The following MGAT5 variants were observed in gnomAD, a reference collection of about 807,000 sequenced individuals.
MGAT5 encodes alpha-1,6-mannosylglycoprotein 6-beta-N-acetylglucosaminyltransferase, also known as alpha-1,6-mannosylglycoprotein 6-beta-N-acetylglucosaminyltransferase A.
Under a neutral mutation model 94.3 loss-of-function variants are expected in MGAT5, and 30 were observed. The observed-to-expected ratio is 0.32, with a 90% CI of 0.24 to 0.43. The LOEUF is 0.43. Ranked by LOEUF, MGAT5 falls within the 20% of genes least tolerant of loss-of-function variation. The pLI is 1.00. For missense variants in MGAT5, 691 were observed against 905.5 expected (o/e 0.76, Z 3.04); for synonymous variants, 310 against 322.9 (o/e 0.96, Z 0.43).
intron 1 of MGAT5, among the ~76,000 whole-genome samples, chr2:134,169,959 C>CT (rs1369961176): frequency 6.6e-6 from 1 of 151,922 alleles, no homozygotes; most frequent in African/African-American, 2.4e-5. Flanking sequence ...ATATCATGAA[C>CT]TTTTTTTTGA....
intron 2 of MGAT5, among the ~76,000 whole-genome samples, chr2:134,294,906 A>C (rs1685580573): frequency 6.6e-6 from 1 of 152,164 alleles, no homozygotes; most frequent in African/African-American, 2.4e-5. Context: ...CTAGCCAATC[A>C]GGACAAATAC....
At chr2:134,418,791 G>A (rs1266947403) in intron 12 of MGAT5, among the ~76,000 whole-genome samples, 1 of 152,204 alleles carries the variant, frequency 6.6e-6, no homozygotes, top group Non-Finnish European at 1.5e-5. Flanking sequence ...ACAAGTCGGG[G>A]ATACCCCAAG....
chr2:134,171,247 A>G (rs1403872881), intron 1 of MGAT5, among the ~76,000 whole-genome samples: 1 of 152,146 alleles, frequency 6.6e-6, no homozygotes, highest in Non-Finnish European at 1.5e-5. Flanking sequence ...ATTTGAAAAA[A>G]CAGGCTTGTA....
chr2:134,384,894 G>C (rs115482298), intron 10 of MGAT5, among the ~76,000 whole-genome samples: 55 of 152,272 alleles, frequency 3.6e-4, no homozygotes, highest in African/African-American at 1.3e-3. Context: ...GGTCAAATTA[G>C]CATGCTGGGG....
chr2:134,286,544 G>A (rs1685014554), intron 2 of MGAT5, among the ~76,000 whole-genome samples: 1 of 151,834 alleles, frequency 6.6e-6, no homozygotes, highest in African/African-American at 2.4e-5. Flanking sequence ...CAGTTTTCCT[G>A]CCTCAGCCTC....
chr2:134,257,511 T>A (rs1683044980), intron 1 of MGAT5, among the ~76,000 whole-genome samples: 1 of 152,216 alleles, frequency 6.6e-6, no homozygotes, highest in Non-Finnish European at 1.5e-5. Context: ...TGTGAGCCGC[T>A]GTGCCTGGCC....
At chr2:134,192,485 C>A (rs191963449) in intron 1 of MGAT5, among the ~76,000 whole-genome samples, 1 of 152,156 alleles carries the variant, frequency 6.6e-6, no homozygotes, top group African/African-American at 2.4e-5. Context: ...CTATATCTTG[C>A]TAGTTTTGGG....
At chr2:134,381,536 C>CAGACAGATAGTTAGATAGATAGAT (rs59821586) in intron 10 of MGAT5, among the ~76,000 whole-genome samples, 1 of 146,844 alleles carries the variant, frequency 6.8e-6, no homozygotes, top group Non-Finnish European at 1.5e-5. Context: ...GACAGACAGA[C>CAGACAGATAGTTAGATAGATAGAT]AGATAGATAG....
chr2:134,300,324 G>A lies in MGAT5; in HGVS notation c.407-17205G>A, dbSNP rs375075701. 1.2e-4 allele frequency among the ~76,000 whole-genome samples: 19 copies of A among 152,278 alleles called. No homozygotes were observed. The East Asian group carries it at 1.7e-3, about 14-fold the overall frequency. Reference sequence around the variant, plus strand: ...TGGCATGTTGTAAATCTGAAGTCGGGTGATTTCTGTCGAAGCCTACAGACA... The same window carrying A: ...TGGCATGTTGTAAATCTGAAGTCGGATGATTTCTGTCGAAGCCTACAGACA... On this transcript the variant is annotated intron_variant, in intron 2 of 15. Coordinates refer to ENST00000281923, the MANE Select transcript of MGAT5 (RefSeq NM_002410.5).
At chr2:134,204,293 T>C (rs1376184656) in intron 1 of MGAT5, among the ~76,000 whole-genome samples, 2 of 152,176 alleles carry the variant, frequency 1.3e-5, no homozygotes, top group Non-Finnish European at 1.5e-5. Context: ...CTTACTGCTG[T>C]TGGATTTCTT....
intron 2 of MGAT5, among the ~76,000 whole-genome samples, chr2:134,312,811 G>C (rs1041581310): frequency 1.3e-5 from 2 of 152,058 alleles, no homozygotes; most frequent in Non-Finnish European, 2.9e-5. Context: ...GATTTTAAAG[G>C]CTTTCCTTTT....
At chr2:134,341,904 T>G in intron 7 of MGAT5, 145 bp downstream of exon 7, 1 of 666,634 alleles carries the variant, frequency 1.5e-6, no homozygotes, top group Middle Eastern at 4.2e-4. Context: ...AAGATTATTT[T>G]CAGGAGCTAA....
chr2:134,172,389 T>TA (rs1558969109), intron 1 of MGAT5, among the ~76,000 whole-genome samples: 7 of 147,046 alleles, frequency 4.8e-5, no homozygotes, highest in Non-Finnish European at 9.2e-5. Context: ...TTTTTTTTTT[T>TA]TAATTAATTA....
At chr2:134,346,839 C>T (rs1449183489) in intron 8 of MGAT5, among the ~76,000 whole-genome samples, 1 of 152,106 alleles carries the variant, frequency 6.6e-6, no homozygotes, top group East Asian at 1.9e-4. Flanking sequence ...GAAGGACATA[C>T]AAGAAAGTAA....
chr2:134,348,446 G>A (rs1219538566), intron 8 of MGAT5, among the ~76,000 whole-genome samples: 1 of 152,184 alleles, frequency 6.6e-6, no homozygotes, highest in Non-Finnish European at 1.5e-5. Context: ...TCCTGGCCTT[G>A]ACGAATGGTA....
chr2:134,265,410 A>G (rs906790211), intron 1 of MGAT5, among the ~76,000 whole-genome samples: 6 of 152,156 alleles, frequency 3.9e-5, no homozygotes, highest in Non-Finnish European at 4.4e-5. Flanking sequence ...GGCCCTTCCA[A>G]TCACTTCTTA....
chr2:134,422,849 A>G lies in MGAT5; in HGVS notation c.1724A>G (p.His575Arg), dbSNP rs139862656. The change falls in exon 13 of 16, where the codon CAT (histidine) becomes CGT (arginine). Residue 575 changes from histidine (H) to arginine (R), a missense_variant. This residue lies in a region of MGAT5 where 260 missense variants were observed against 347.0 expected (regional missense o/e 0.75). Coordinates refer to ENST00000281923, the MANE Select transcript of MGAT5 (RefSeq NM_002410.5). ...PYAEVFIGRP[H>R]VWTVDLNNQE... ...GCTGAAGTTTTCATCGGGCGGCCAC[A>G]TGTGTGGACTGTTGACCTCAACAAT... 2.4e-4 allele frequency: 387 copies of G among 1,613,948 alleles called. No individual in the cohort carries two copies. Among genetic ancestry groups the G allele is most frequent in the Middle Eastern group, 6.6e-4 (4 of 6,060 alleles).
intron 12 of MGAT5, among the ~76,000 whole-genome samples, chr2:134,415,707 A>G (rs185817762): frequency 2.6e-5 from 4 of 152,308 alleles, no homozygotes; most frequent in African/African-American, 7.2e-5. Flanking sequence ...ACTAGTGTCA[A>G]GAAGCTTTTG....
chr2:134,265,523 T>G (rs768953821), intron 1 of MGAT5, among the ~76,000 whole-genome samples: 3 of 152,232 alleles, frequency 2.0e-5, no homozygotes, highest in Non-Finnish European at 4.4e-5. Flanking sequence ...CAAAGAATGC[T>G]GGCATGATAG....
Sources: gnomAD v4.1 joint callset for allele counts (sites outside exome capture counted in the v4.1 genomes callset) on GRCh38, gnomAD v4.1.1 for gene constraint, gnomAD v4.1.1 regional missense constraint, MANE v1.5 for transcripts, NCBI Gene and HGNC (gene_info 2026-07-23, HGNC 2026-07-21) for gene names.